Variants in UBR1 observed in about 807,000 individuals in gnomAD.
The protein encoded by UBR1 is E3 ubiquitin-protein ligase UBR1.
UBR1 carries 102 observed loss-of-function variants against 242.1 expected under a neutral mutation model. That is an observed-to-expected ratio of 0.42 (90% CI 0.36 to 0.50). UBR1 has a LOEUF of 0.50. UBR1 is among the 20% of genes least tolerant of loss of function. UBR1 has a pLI of 0.01. For synonymous variants in UBR1, 675 were observed against 684.8 expected (o/e 0.99, Z 0.22); for missense variants, 1,772 against 2,101.8 (o/e 0.84, Z 3.07).
chr15:42,994,857 T>C (rs2032611554), intron 33 of UBR1, among the ~76,000 whole-genome samples: 1 of 152,180 alleles, frequency 6.6e-6, no homozygotes, highest in African/African-American at 2.4e-5. Flanking sequence ...TCTTGAGTTA[T>C]CTCCTCACTC....
intron 15 of UBR1, among the ~76,000 whole-genome samples, chr15:43,040,266 G>A (rs956972274): frequency 7.2e-5 from 11 of 152,072 alleles, no homozygotes; most frequent in East Asian, 5.8e-4. Flanking sequence ...AGACCAATGG[G>A]ACTGAACAGA....
At chr15:42,975,986 G>A (rs879696587) in intron 39 of UBR1, among the ~76,000 whole-genome samples, 1 of 152,078 alleles carries the variant, frequency 6.6e-6, no homozygotes, top group Non-Finnish European at 1.5e-5. Context: ...CCAAAGTACT[G>A]GGATTACAAG....
intron 12 of UBR1, among the ~76,000 whole-genome samples, chr15:43,049,420 G>A (rs1204428332): frequency 2.6e-5 from 4 of 152,084 alleles, no homozygotes; most frequent in Non-Finnish European, 5.9e-5. Flanking sequence ...AAAATTAGCT[G>A]GGCGTGGTGG....
intron 1 of UBR1, among the ~76,000 whole-genome samples, chr15:43,104,977 G>A (rs1326685934): frequency 6.6e-6 from 1 of 151,970 alleles, no homozygotes; most frequent in Non-Finnish European, 1.5e-5. Context: ...GCAGTGAGCC[G>A]AGATTACACC....
At chr15:43,031,149 T>G (rs1317941016) in intron 20 of UBR1, among the ~76,000 whole-genome samples, 1 of 152,174 alleles carries the variant, frequency 6.6e-6, no homozygotes, top group African/African-American at 2.4e-5. Context: ...TCTTAATGAT[T>G]TTCCACTATA....
intron 45 of UBR1, 77 bp downstream of exon 45, chr15:42,952,201 T>G: frequency 6.4e-7 from 1 of 1,564,136 alleles, no homozygotes; most frequent in Non-Finnish European, 8.8e-7. Flanking sequence ...CAACACACTG[T>G]CCCACCATAG....
At chr15:43,030,750 G>C (rs1224396278) in intron 20 of UBR1, among the ~76,000 whole-genome samples, 2 of 152,048 alleles carry the variant, frequency 1.3e-5, no homozygotes, top group South Asian at 2.1e-4. Context: ...ACAATATGTG[G>C]CCTTATGTTA....
chr15:42,965,015 A>C (rs2032082478), intron 41 of UBR1, among the ~76,000 whole-genome samples: 1 of 152,198 alleles, frequency 6.6e-6, no homozygotes, highest in African/African-American at 2.4e-5. Flanking sequence ...CCTCCCAATA[A>C]AAAGGACTTT....
At chr15:43,043,434 C>T in intron 14 of UBR1, 39 bp from the exon 15 acceptor site, 1 of 1,597,638 alleles carries the variant, frequency 6.3e-7, no homozygotes, top group African/African-American at 1.3e-5. Flanking sequence ...GACAAGTTTT[C>T]TACTTTAACA....
intron 3 of UBR1, among the ~76,000 whole-genome samples, chr15:43,078,655 G>A (rs1287116502): frequency 1.3e-5 from 2 of 152,128 alleles, no homozygotes; most frequent in Non-Finnish European, 2.9e-5. Context: ...TGAATCAGAT[G>A]AAAACACCTT....
chr15:43,036,210 C>G lies in UBR1; in HGVS notation c.2158G>C (p.Ala720Pro). The change falls in exon 19 of 47, where the codon GCT (alanine) becomes CCT (proline). Residue 720 changes from alanine to proline, a missense_variant. This residue lies in a region of UBR1 where 734 missense variants were observed against 893.3 expected (regional missense o/e 0.82). Coordinates refer to ENST00000290650, the MANE Select transcript of UBR1 (RefSeq NM_174916.3). ...TTTGTAGATATGGTCTTGTTAAAAGCCTCGGCAAGTTCATACCTCTGAAGT... is the reference window on the plus strand; with the variant it reads ...TTTGTAGATATGGTCTTGTTAAAAGGCTCGGCAAGTTCATACCTCTGAAGT... ...LVLQRYELAE[A>P]FNKTISTKDQ... is the part of the protein sequence containing the mutation. 6.2e-7 allele frequency: 1 copy of G among 1,613,636 alleles called. No homozygotes were observed. The highest frequency in any genetic ancestry group is 8.5e-7 in the Non-Finnish European group (1 of 1,179,792).
chr15:43,045,131 G>A lies in UBR1; in HGVS notation c.1669-1736C>T, dbSNP rs541831004. ...CAAAATGAGAAAATGCAAGTTGGAA[G>A]TAGAAGGAAATGATGACAGGTCCAT... is the stretch of plus-strand genomic sequence containing the variant. On this transcript the variant is annotated intron_variant, in intron 14 of 46. Coordinates refer to ENST00000290650, the MANE Select transcript of UBR1 (RefSeq NM_174916.3). Among the ~76,000 whole-genome samples the A allele has an allele frequency of 5.1e-4, 78 of 152,202 alleles. 3 individuals are homozygous for A. The highest frequency in any genetic ancestry group is 4.9e-3 in the Admixed American group (75 of 15,288).
chr15:42,957,053 C>T (rs1251546227), intron 44 of UBR1, among the ~76,000 whole-genome samples: 1 of 151,966 alleles, frequency 6.6e-6, no homozygotes, highest in Non-Finnish European at 1.5e-5. Flanking sequence ...TTTATGTCCA[C>T]AAAGAAACTT....
chr15:43,099,193 T>C (rs2034197000), intron 1 of UBR1, among the ~76,000 whole-genome samples: 1 of 151,584 alleles, frequency 6.6e-6, no homozygotes, highest in South Asian at 2.1e-4. Flanking sequence ...AAAAATTAGG[T>C]GGGCATGGTG....
At chr15:43,033,473 G>A (rs755125764) in intron 19 of UBR1, among the ~76,000 whole-genome samples, 1 of 151,728 alleles carries the variant, frequency 6.6e-6, no homozygotes, top group Non-Finnish European at 1.5e-5. Flanking sequence ...GTGAAACCTC[G>A]TCTCTACTAA....
intron 33 of UBR1, among the ~76,000 whole-genome samples, chr15:42,997,381 T>C (rs914998895): frequency 2.0e-5 from 3 of 152,162 alleles, no homozygotes; most frequent in African/African-American, 7.2e-5. Context: ...ATAATAGAAA[T>C]AAAATGCACA....
intron 30 of UBR1, among the ~76,000 whole-genome samples, chr15:43,006,018 T>A (rs1455958496): frequency 7.0e-6 from 1 of 142,038 alleles, no homozygotes; most frequent in African/African-American, 2.7e-5. Flanking sequence ...CTGCTGACCT[T>A]CCCTCCACTA....
At chr15:43,094,141 TCA>T (rs2034133964) in intron 1 of UBR1, among the ~76,000 whole-genome samples, 1 of 152,234 alleles carries the variant, frequency 6.6e-6, no homozygotes, top group Admixed American at 6.5e-5. Context: ...CTTCAAAAGA[TCA>T]CATTCTGAAA....
At chr15:42,993,114 G>T (rs958449120) in intron 33 of UBR1, among the ~76,000 whole-genome samples, 1 of 152,184 alleles carries the variant, frequency 6.6e-6, no homozygotes, top group East Asian at 1.9e-4. Flanking sequence ...ACCAGAAAGA[G>T]ATGGCATTTC....
Sources: allele counts gnomAD v4.1 joint callset (sites outside exome capture counted in the v4.1 genomes callset), GRCh38; gene constraint gnomAD v4.1.1; regional missense constraint gnomAD v4.1.1; transcripts MANE v1.5; gene names NCBI Gene and HGNC (gene_info 2026-07-23, HGNC 2026-07-21).